PCDH11Y: variants seen among roughly 807,000 people sequenced by gnomAD.
The protein encoded by PCDH11Y is protocadherin-11 Y-linked.
For missense variants in PCDH11Y, 12 were observed against 224.8 expected, an observed-to-expected ratio of 0.05 and a Z score of 6.05; for synonymous variants, 9 against 83.6, an observed-to-expected ratio of 0.11 and a Z score of 4.87.
chrY:5,297,345 G>A (rs2053076091), intron 2 of PCDH11Y, among the ~76,000 whole-genome samples: 1 of 32,963 alleles, frequency 3.0e-5, no homozygotes, highest in Non-Finnish European at 7.5e-5. Context: ...GGGGTGGCAT[G>A]GTGCAAGCAC....
chrY:5,281,896 A>G, intron 2 of PCDH11Y, among the ~76,000 whole-genome samples: 1 of 30,983 alleles, frequency 3.2e-5, no homozygotes, highest in African/African-American at 1.3e-4. Context: ...TTGATAGTGT[A>G]TATGGCCACG....
chrY:5,068,541 TC>T (rs2052691769), intron 1 of PCDH11Y, among the ~76,000 whole-genome samples: 8 of 21,888 alleles, frequency 3.7e-4, no homozygotes, highest in African/African-American at 1.2e-3. Flanking sequence ...CTTTGTGTCC[TC>T]TGTGTGTGTG....
chrY:5,326,387 A>G, intron 2 of PCDH11Y, among the ~76,000 whole-genome samples: 2 of 32,311 alleles, frequency 6.2e-5, no homozygotes, highest in African/African-American at 2.5e-4. Flanking sequence ...GAGTAGTAGA[A>G]TAGCAGATGG....
intron 2 of PCDH11Y, among the ~76,000 whole-genome samples, chrY:5,218,145 G>T (rs2052948714): frequency 3.1e-5 from 1 of 32,533 alleles, no homozygotes; most frequent in Non-Finnish European, 7.6e-5. Context: ...ATTCATGTTA[G>T]ACTCTTGGCT....
chrY:5,083,087 G>A (rs2524502), intron 1 of PCDH11Y, among the ~76,000 whole-genome samples: 1 of 33,958 alleles, frequency 2.9e-5, no homozygotes, highest in African/African-American at 1.1e-4. Context: ...ATTCTGCACA[G>A]TTCTGTGCTT....
intron 4 of PCDH11Y, among the ~76,000 whole-genome samples, chrY:5,634,170 C>T (rs375435731): frequency 3.0e-3 from 76 of 25,035 alleles, no homozygotes; most frequent in African/African-American, 0.011. Flanking sequence ...GCTGAGATCG[C>T]GCCACTGCAC....
intron 2 of PCDH11Y, among the ~76,000 whole-genome samples, chrY:5,462,833 A>G (rs2053304913): frequency 3.2e-5 from 1 of 31,688 alleles, no homozygotes; most frequent in African/African-American, 1.2e-4. Context: ...ACAGGGTTTC[A>G]CTATATTGGT....
At chrY:5,076,518 A>G in intron 1 of PCDH11Y, among the ~76,000 whole-genome samples, 1 of 33,163 alleles carries the variant, frequency 3.0e-5, no homozygotes, top group East Asian at 7.9e-4. Context: ...ATTGTTTCCA[A>G]TGTTTTCTTG....
At chrY:5,197,920 G>A in intron 2 of PCDH11Y, among the ~76,000 whole-genome samples, 1 of 24,205 alleles carries the variant, frequency 4.1e-5, no homozygotes, top group Non-Finnish European at 9.4e-5. Flanking sequence ...CATGGCACAT[G>A]TATACATATG....
intron 1 of PCDH11Y, among the ~76,000 whole-genome samples, chrY:5,071,834 G>A: frequency 3.0e-5 from 1 of 32,823 alleles, no homozygotes; most frequent in African/African-American, 1.2e-4. Flanking sequence ...ACATACAGAG[G>A]CTGTGGATAC....
chrY:5,240,281 T>G (rs1250540887), intron 2 of PCDH11Y, among the ~76,000 whole-genome samples: 1 of 33,548 alleles, frequency 3.0e-5, no homozygotes, highest in Non-Finnish European at 7.4e-5. Context: ...AGTGGCTTCC[T>G]TCAATGAAGT....
intron 1 of PCDH11Y, among the ~76,000 whole-genome samples, chrY:5,028,727 C>T: frequency 3.0e-5 from 1 of 33,105 alleles, no homozygotes; most frequent in Non-Finnish European, 7.4e-5. Flanking sequence ...GAGCTATGAT[C>T]GTGCCACTGC....
At chrY:5,553,277 T>A in intron 3 of PCDH11Y, among the ~76,000 whole-genome samples, 1 of 33,850 alleles carries the variant, frequency 3.0e-5, no homozygotes, top group Non-Finnish European at 7.3e-5. Context: ...AATAATTTAT[T>A]CTAATTTACA....
intron 2 of PCDH11Y, among the ~76,000 whole-genome samples, chrY:5,147,081 G>A (rs2052857628): frequency 3.5e-5 from 1 of 28,655 alleles, no homozygotes; most frequent in African/African-American, 1.4e-4. Context: ...CTGCATTGTC[G>A]GCTTCCCTAC....
At chrY:5,341,599 G>A in intron 2 of PCDH11Y, among the ~76,000 whole-genome samples, 1 of 32,341 alleles carries the variant, frequency 3.1e-5, no homozygotes, top group African/African-American at 1.2e-4. Context: ...GGATTTCTAA[G>A]ATTTCCTCCA....
chrY:5,193,380 T>G, intron 2 of PCDH11Y, among the ~76,000 whole-genome samples: 1 of 33,471 alleles, frequency 3.0e-5, no homozygotes, highest in East Asian at 7.8e-4. Flanking sequence ...AACTTATCAA[T>G]TTGCAAATGT....
At chrY:5,492,261 T>C (rs2053339383) in intron 2 of PCDH11Y, among the ~76,000 whole-genome samples, 1 of 32,399 alleles carries the variant, frequency 3.1e-5, no homozygotes, top group Non-Finnish European at 7.5e-5. Context: ...GGTAAATATA[T>C]AAGATTGATT....
intron 3 of PCDH11Y, among the ~76,000 whole-genome samples, chrY:5,536,816 T>C: frequency 1.5e-4 from 5 of 32,795 alleles, no homozygotes; most frequent in African/African-American, 6.0e-4. Context: ...ATTTGTTGAA[T>C]AGGGTATAAT....
At chrY:5,414,953 C>T (rs2053251800) in intron 2 of PCDH11Y, among the ~76,000 whole-genome samples, 2 of 32,464 alleles carry the variant, frequency 6.2e-5, no homozygotes, top group Non-Finnish European at 1.5e-4. Flanking sequence ...TTAGTAGAGA[C>T]GGGGTTTCAC....
Sources: allele counts gnomAD v4.1 joint callset (sites outside exome capture counted in the v4.1 genomes callset), GRCh38; gene constraint gnomAD v4.1.1; transcripts MANE v1.5; gene names NCBI Gene and HGNC (gene_info 2026-07-23, HGNC 2026-07-21).